The following CDK6 variants were observed in gnomAD, a reference collection of about 807,000 sequenced individuals.
CDK6 encodes the protein cyclin-dependent kinase 6.
A neutral mutation model predicts 37.1 loss-of-function variants in CDK6; 6 were observed. The observed-to-expected ratio is 0.16, with a 90% CI of 0.09 to 0.32. The LOEUF is 0.32. CDK6 is among the 10% of genes least tolerant of loss of function. The pLI is 1.00. For synonymous variants in CDK6, 160 were observed against 161.3 expected (o/e 0.99, Z 0.06); for missense variants, 224 against 418.9 (o/e 0.53, Z 4.06).
chr7:92,769,240 A>G (rs752674023), intron 3 of CDK6, among the ~76,000 whole-genome samples: 5 of 152,262 alleles, frequency 3.3e-5, no homozygotes, highest in Non-Finnish European at 7.3e-5. Flanking sequence ...AATTGAAGAT[A>G]AAATGAAATC....
At chr7:92,769,670 T>C (rs1024096312) in intron 3 of CDK6, among the ~76,000 whole-genome samples, 10 of 152,170 alleles carry the variant, frequency 6.6e-5, no homozygotes, top group Non-Finnish European at 1.2e-4. Flanking sequence ...GGCATTACAT[T>C]TGGAAAAGCC....
chr7:92,619,320 A>G (rs1031206197), intron 6 of CDK6, among the ~76,000 whole-genome samples: 2 of 152,186 alleles, frequency 1.3e-5, no homozygotes, highest in Non-Finnish European at 2.9e-5. Context: ...TTGTATAGAT[A>G]TTATTTATAG....
chr7:92,644,499 T>A (rs557760703), intron 5 of CDK6, among the ~76,000 whole-genome samples: 1 of 152,342 alleles, frequency 6.6e-6, no homozygotes, highest in East Asian at 1.9e-4. Context: ...TATTTTTCCC[T>A]CCATCACAAT....
chr7:92,625,626 A>T (rs1435029373), intron 5 of CDK6, among the ~76,000 whole-genome samples: 2 of 152,058 alleles, frequency 1.3e-5, no homozygotes, highest in Non-Finnish European at 2.9e-5. Context: ...TCTCAGGTCA[A>T]ATTACCAAGG....
intron 2 of CDK6, among the ~76,000 whole-genome samples, chr7:92,795,002 T>A (rs1377458543): frequency 6.6e-6 from 1 of 152,166 alleles, no homozygotes; most frequent in Non-Finnish European, 1.5e-5. Context: ...CTGCTTCCCA[T>A]GGGACCAGAT....
chr7:92,770,777 T>C (rs1019665127), intron 3 of CDK6, among the ~76,000 whole-genome samples: 14 of 152,148 alleles, frequency 9.2e-5, no homozygotes, highest in Non-Finnish European at 1.9e-4. Flanking sequence ...ATTTATGTCC[T>C]GAATGTGCAT....
At chr7:92,722,319 T>C (rs1798387438) in intron 4 of CDK6, among the ~76,000 whole-genome samples, 1 of 152,164 alleles carries the variant, frequency 6.6e-6, no homozygotes, top group Non-Finnish European at 1.5e-5. Context: ...AGTCTTCAAA[T>C]AAGTAAAATT....
intron 4 of CDK6, among the ~76,000 whole-genome samples, chr7:92,684,064 G>A (rs1383090055): frequency 6.6e-6 from 1 of 152,138 alleles, no homozygotes; most frequent in Non-Finnish European, 1.5e-5. Flanking sequence ...AAGATGTAAT[G>A]TACTGCGCTG....
chr7:92,670,196 A>G (rs1014531647), intron 5 of CDK6, among the ~76,000 whole-genome samples: 7 of 152,238 alleles, frequency 4.6e-5, no homozygotes, highest in Non-Finnish European at 1.0e-4. Context: ...TGGTAGGACT[A>G]AGAAAGGTAG....
rs1798270366 is a variant in CDK6, at chr7:92,717,902, A to G, written c.537+7724T>C. On this transcript the variant is annotated intron_variant, in intron 4 of 7. Coordinates refer to ENST00000424848, the MANE Select transcript of CDK6 (RefSeq NM_001145306.2). ...CATGGCAGAAATTCTCACAGTGGTC[A>G]TCGATATTTGCCTTCACCGTGGAGG... is the stretch of plus-strand genomic sequence containing the variant. Among the ~76,000 whole-genome samples, 2 of 152,358 alleles carry G rather than the reference A, an allele frequency of 1.3e-5. 1 individual carries two copies. The highest frequency in any genetic ancestry group is 4.1e-4 in the South Asian group (2 of 4,828).
At chr7:92,663,806 C>A (rs2116586385) in intron 5 of CDK6, among the ~76,000 whole-genome samples, 2 of 152,174 alleles carry the variant, frequency 1.3e-5, no homozygotes, top group Admixed American at 1.3e-4. Context: ...CAAAATTGGA[C>A]CTTTTCCTGG....
At chr7:92,707,441 T>C (rs1022748174) in intron 4 of CDK6, among the ~76,000 whole-genome samples, 1 of 152,156 alleles carries the variant, frequency 6.6e-6, no homozygotes, top group African/African-American at 2.4e-5. Context: ...AAGGAAGCAA[T>C]GTTTTTCAAA....
rs1392158077 is a variant in CDK6, at chr7:92,679,029, A to C, written c.538-7494T>G. 2.0e-5 allele frequency among the ~76,000 whole-genome samples: 3 copies of C among 152,274 alleles called. No homozygotes were observed. In the East Asian group the frequency reaches 5.8e-4, roughly 29 times the overall value. On this transcript the variant is annotated intron_variant, in intron 4 of 7. Coordinates refer to ENST00000424848, the MANE Select transcript of CDK6 (RefSeq NM_001145306.2). ...CTTCTTCTAGGGCCTGGGAATGGTA[A>C]TGAACTGACTGCGAGTAAGACTCAG...
intron 4 of CDK6, among the ~76,000 whole-genome samples, chr7:92,674,913 T>C (rs1797170301): frequency 6.6e-6 from 1 of 152,210 alleles, no homozygotes; most frequent in South Asian, 2.1e-4. Flanking sequence ...CTCACTGCAA[T>C]GTCCACCTTC....
intron 4 of CDK6, among the ~76,000 whole-genome samples, chr7:92,722,810 G>T (rs558374537): frequency 6.6e-6 from 1 of 152,296 alleles, no homozygotes; most frequent in Admixed American, 6.5e-5. Context: ...GTGTGTTAGG[G>T]CTGAATAAGA....
At chr7:92,657,850 G>C (rs541092383) in intron 5 of CDK6, among the ~76,000 whole-genome samples, 1 of 152,098 alleles carries the variant, frequency 6.6e-6, no homozygotes, top group African/African-American at 2.4e-5. Flanking sequence ...GAGTAGCTGG[G>C]AGTACAGGAG....
chr7:92,739,773 T>C (rs1460496142), intron 3 of CDK6, among the ~76,000 whole-genome samples: 1 of 152,214 alleles, frequency 6.6e-6, no homozygotes, highest in Non-Finnish European at 1.5e-5. Context: ...ATTTATTTTT[T>C]TGAGACAGGA....
intron 5 of CDK6, among the ~76,000 whole-genome samples, chr7:92,633,955 C>A (rs1336782619): frequency 2.0e-5 from 3 of 152,070 alleles, no homozygotes; most frequent in East Asian, 1.9e-4. Flanking sequence ...GGATATTACA[C>A]CTTTGTCATA....
At chr7:92,656,405 C>T (rs770095961) in intron 5 of CDK6, among the ~76,000 whole-genome samples, 1 of 152,078 alleles carries the variant, frequency 6.6e-6, no homozygotes, top group South Asian at 2.1e-4. Context: ...GTCACTACCC[C>T]CTATCATTTT....
Sources: gnomAD v4.1 joint callset for allele counts (sites outside exome capture counted in the v4.1 genomes callset) on GRCh38, gnomAD v4.1.1 for gene constraint, MANE v1.5 for transcripts, NCBI Gene and HGNC (gene_info 2026-07-23, HGNC 2026-07-21) for gene names.